Variants in COL14A1 observed in about 807,000 individuals in gnomAD.
COL14A1 encodes collagen type XIV alpha 1 chain, also known as collagen alpha-1(XIV) chain.
COL14A1 carries 136 observed loss-of-function variants against 230.3 expected under a neutral mutation model. The observed-to-expected ratio is 0.59, with a 90% CI of 0.51 to 0.68. The LOEUF (loss-of-function observed/expected upper bound fraction) is 0.68. Ranked by LOEUF, COL14A1 falls within the 30% of genes least tolerant of loss-of-function variation. COL14A1 has a pLI of 0.00. For missense variants in COL14A1, 1,976 were observed against 2,215.8 expected, an observed-to-expected ratio of 0.89 and a Z score of 2.17; for synonymous variants, 792 against 784.1, an observed-to-expected ratio of 1.01 and a Z score of -0.17.
intron 44 of COL14A1, among the ~76,000 whole-genome samples, chr8:120,344,317 C>T (rs191373508): frequency 4.8e-4 from 73 of 152,350 alleles, no homozygotes; most frequent in Non-Finnish European, 3.5e-4. Flanking sequence ...CTGGATTTAT[C>T]AGTTAGCAAA....
intron 5 of COL14A1, among the ~76,000 whole-genome samples, chr8:120,168,864 C>T (rs747320829): frequency 2.0e-5 from 3 of 152,018 alleles, no homozygotes; most frequent in South Asian, 4.2e-4. Context: ...CCCCCAACCC[C>T]GTTTTTTTTG....
At chr8:120,336,260 C>T (rs1822067987) in intron 42 of COL14A1, among the ~76,000 whole-genome samples, 1 of 152,036 alleles carries the variant, frequency 6.6e-6, no homozygotes, top group Non-Finnish European at 1.5e-5. Context: ...AAGAGAGAGA[C>T]CCCTAAGCTG....
chr8:120,207,846 A>G (rs1262007093), intron 10 of COL14A1, among the ~76,000 whole-genome samples: 1 of 152,146 alleles, frequency 6.6e-6, no homozygotes, highest in Non-Finnish European at 1.5e-5. Context: ...GGACCAAAAA[A>G]AAAAAAAAAA....
At position 120,162,498 on chromosome 8, in the gene COL14A1, A is replaced by G; in HGVS notation, c.278A>G (p.Gln93Arg). Reference protein sequence around the residue: ...KAIIQGLMPDQNYTVQIIAYN... With the variant: ...KAIIQGLMPDRNYTVQIIAYN... ...ATTATTCAAGGCCTTATGCCAGACC[A>G]GAATTACACAGTTCAAATTATTGCA... The change falls in exon 4 of 48, where the codon CAG becomes CGG. Residue 93 changes from glutamine (Q) to arginine (R), a missense_variant. Gln to Arg is a conservative substitution (Grantham distance 43, BLOSUM62 1). Around this residue, in one of 3 missense-constraint regions of COL14A1, gnomAD observed 181 missense variants for 178.6 expected, o/e 1.01. Coordinates refer to ENST00000297848, the MANE Select transcript of COL14A1 (RefSeq NM_021110.4). 6.2e-7 allele frequency: 1 copy of G among 1,613,256 alleles called. No homozygotes were observed. Among genetic ancestry groups the G allele is most frequent in the Non-Finnish European group, 8.5e-7 (1 of 1,179,580 alleles).
At chr8:120,193,114 T>C (rs957256336) in intron 5 of COL14A1, among the ~76,000 whole-genome samples, 1 of 152,320 alleles carries the variant, frequency 6.6e-6, no homozygotes, top group Non-Finnish European at 1.5e-5. Flanking sequence ...TGGAGGAGGA[T>C]AGGCGCTCTG....
chr8:120,279,977 C>A lies in COL14A1; in HGVS notation c.3524C>A (p.Ser1175Ter). The change falls in exon 29 of 48, where the codon TCG (serine) becomes TAG (stop). Residue 1175 changes from serine to a stop codon, truncating the protein, a stop_gained. Coordinates refer to ENST00000297848, the MANE Select transcript of COL14A1 (RefSeq NM_021110.4). LOFTEE classifies it high-confidence loss of function. Reference protein sequence around the residue: ...FAIGVADADYSELVSIGSKPS... With the variant: ...FAIGVADADY ...ATTGGTGTGGCCGATGCAGATTACT[C>A]GGAGTTGGTTAGCATTGGCAGTAAG... The A allele has an allele frequency of 6.2e-7, 1 of 1,613,706 alleles. No individual in the cohort carries two copies. The highest frequency in any genetic ancestry group is 8.5e-7 in the Non-Finnish European group (1 of 1,179,812).
At chr8:120,371,078 A>T (rs1823569890) in intron 47 of COL14A1, 74 bp from the exon 48 acceptor site, 1 of 1,299,780 alleles carries the variant, frequency 7.7e-7, no homozygotes, top group South Asian at 1.4e-5. Flanking sequence ...GTCTCTAAGG[A>T]CCCAGGTGAG....
intron 45 of COL14A1, among the ~76,000 whole-genome samples, chr8:120,351,139 T>A (rs921313737): frequency 7.0e-6 from 1 of 142,720 alleles, no homozygotes; most frequent in South Asian, 2.3e-4. Context: ...GAATGACTAC[T>A]GGGTACATAA....
At chr8:120,137,626 CCACAAATTTT>C (rs1188813721) in intron 1 of COL14A1, among the ~76,000 whole-genome samples, 42 of 152,056 alleles carry the variant, frequency 2.8e-4, no homozygotes, top group African/African-American at 9.7e-4. Context: ...TAGCTGCATT[CCACAAATTTT>C]CACAAATTGT....
At chr8:120,227,069 G>C in intron 16 of COL14A1, 151 bp from the exon 17 acceptor site, 5 of 786,256 alleles carry the variant, frequency 6.4e-6, no homozygotes, top group Non-Finnish European at 9.6e-6. Flanking sequence ...GGGATTGAAA[G>C]GAATAAAGTC....
chr8:120,305,101 C>T (rs1296477752), intron 36 of COL14A1, among the ~76,000 whole-genome samples: 1 of 152,008 alleles, frequency 6.6e-6, no homozygotes, highest in Non-Finnish European at 1.5e-5. Context: ...GCCTCAGCCT[C>T]CCGAGTAGCT....
intron 43 of COL14A1, 60 bp from the exon 44 acceptor site, chr8:120,342,320 G>A: frequency 6.6e-7 from 1 of 1,523,248 alleles, no homozygotes; most frequent in Non-Finnish European, 9.1e-7. Flanking sequence ...CATCCTGGAA[G>A]TCCTGGTAGT....
intron 1 of COL14A1, among the ~76,000 whole-genome samples, chr8:120,143,392 G>C (rs562138391): frequency 6.6e-6 from 1 of 152,168 alleles, no homozygotes; most frequent in Non-Finnish European, 1.5e-5. Context: ...GCCGAGGTGG[G>C]CGGATCACAA....
intron 1 of COL14A1, among the ~76,000 whole-genome samples, chr8:120,137,491 C>T (rs1046636004): frequency 6.6e-6 from 1 of 152,006 alleles, no homozygotes; most frequent in African/African-American, 2.4e-5. Flanking sequence ...CTTCCTTCAA[C>T]TTAATTTGGA....
chr8:120,227,114 T>C, intron 16 of COL14A1, 106 bp from the exon 17 acceptor site: 1 of 1,294,904 alleles, frequency 7.7e-7, no homozygotes, highest in Non-Finnish European at 1.0e-6. Flanking sequence ...TCGACAGCCT[T>C]GGAGTTCTTT....
intron 45 of COL14A1, among the ~76,000 whole-genome samples, chr8:120,363,281 A>T (rs1160476664): frequency 6.6e-6 from 1 of 152,240 alleles, no homozygotes; most frequent in Non-Finnish European, 1.5e-5. Context: ...TTGCAGAGAC[A>T]TGGATGAAGC....
chr8:120,333,090 G>A (rs1821926450), intron 42 of COL14A1, among the ~76,000 whole-genome samples: 1 of 152,224 alleles, frequency 6.6e-6, no homozygotes, highest in South Asian at 2.1e-4. Context: ...AAAATAGAAA[G>A]CTTGGGAAAT....
At chr8:120,278,074 A>G in intron 26 of COL14A1, 37 bp from the exon 27 acceptor site, 1 of 1,571,876 alleles carries the variant, frequency 6.4e-7, no homozygotes, top group Middle Eastern at 1.7e-4. Flanking sequence ...GTGGAAGTCT[A>G]CATATGTGTG....
At chr8:120,236,754 A>G (rs1433885232) in intron 19 of COL14A1, among the ~76,000 whole-genome samples, 1 of 152,040 alleles carries the variant, frequency 6.6e-6, no homozygotes, top group Non-Finnish European at 1.5e-5. Flanking sequence ...AGTGGCTGGT[A>G]CCGGTTTTTA....
Sources: allele counts gnomAD v4.1 joint callset (sites outside exome capture counted in the v4.1 genomes callset), GRCh38; gene constraint gnomAD v4.1.1; regional missense constraint gnomAD v4.1.1; transcripts MANE v1.5; gene names NCBI Gene and HGNC (gene_info 2026-07-23, HGNC 2026-07-21).